ATP6V0A1: variants seen among roughly 807,000 people sequenced by gnomAD.
ATP6V0A1 encodes ATPase H+ transporting V0 subunit a1, also known as V-type proton ATPase 116 kDa subunit a 1.
Under a neutral mutation model 105.4 loss-of-function variants are expected in ATP6V0A1, and 43 were observed. That is an observed-to-expected ratio of 0.41 (90% CI 0.32 to 0.53). The LOEUF is 0.53. ATP6V0A1 is among the 20% of genes least tolerant of loss of function. ATP6V0A1 has a pLI of 0.30. For missense variants in ATP6V0A1, 676 were observed against 1,051.1 expected (o/e 0.64, Z 4.93); for synonymous variants, 362 against 372.8 (o/e 0.97, Z 0.33).
intron 2 of ATP6V0A1, 56 bp downstream of exon 2, chr17:42,461,067 T>G: frequency 7.2e-7 from 1 of 1,396,528 alleles, no homozygotes; most frequent in South Asian, 1.2e-5. Context: ...GCTATCGTGG[T>G]CAGATGCCTT....
intron 10 of ATP6V0A1, among the ~76,000 whole-genome samples, chr17:42,489,681 G>A (rs947576315): frequency 6.6e-6 from 1 of 152,092 alleles, no homozygotes; most frequent in Non-Finnish European, 1.5e-5. Context: ...GTTCCAATGA[G>A]GGAAGTAAAT....
chr17:42,465,992 T>C (rs1212679576), intron 2 of ATP6V0A1, among the ~76,000 whole-genome samples: 1 of 152,000 alleles, frequency 6.6e-6, no homozygotes, highest in Non-Finnish European at 1.5e-5. Flanking sequence ...TTACTTGTGG[T>C]GTATGAATGA....
rs201011997 is a variant in ATP6V0A1 at position 42,495,675 on chromosome 17, C to T, written c.1519C>T (p.Pro507Ser). Residue 507 changes from proline (P) to serine (S), a missense_variant, in exon 14 of 22, where the codon CCT (proline) becomes TCT (serine). Pro to Ser is a moderately conservative substitution (Grantham distance 74). Coordinates refer to ENST00000343619, the MANE Select transcript of ATP6V0A1 (RefSeq NM_001130021.3). The stretch of plus-strand genomic sequence containing the variant: ...TGTTCTACAGCTGAACCCAGCCCTC[C>T]CTGGAGTGTTTGGTGGACCATACCC... ...NPVLQLNPAL[P>S]GVFGGPYPFG... is the part of the protein sequence containing the mutation. 16 of 1,614,114 alleles carry T rather than the reference C, an allele frequency of 9.9e-6. No individual in the cohort carries two copies. The highest frequency in any genetic ancestry group is 3.3e-5 in the Admixed American group (2 of 60,026).
rs1477165055 is a variant in ATP6V0A1, at chr17:42,502,023, ACT to A, written c.2004+722_2004+723del. Reference sequence around the variant, plus strand: ...TACTCCAGCATGGGGACAGAGTGAGACTCTGTCTCAAAAACAAAAAACCAAAC... The same window carrying A: ...TACTCCAGCATGGGGACAGAGTGAGACTGTCTCAAAAACAAAAAACCAAAC... On this transcript the variant is annotated intron_variant, in intron 17 of 21. Transcript: ENST00000343619. 5.9e-5 allele frequency among the ~76,000 whole-genome samples: 9 copies of A among 152,092 alleles called. No individual in the cohort carries two copies. In the East Asian group the frequency reaches 9.7e-4, roughly 16 times the overall value.
At position 42,470,131 on chromosome 17, in the gene ATP6V0A1, C is replaced by T. The variant is rs754593351; in HGVS notation, c.336C>T (p.Asn112=). 3 of 1,610,602 alleles carry T rather than the reference C, an allele frequency of 1.9e-6. No homozygotes were observed. Among genetic ancestry groups the T allele is most frequent in the Non-Finnish European group, 2.5e-6 (3 of 1,177,958 alleles). ...TTGAAAATGAACTGAAGGAAATCAA[C>T]ACAAACCAGGAAGCTCTGAAGAGAA... is the stretch of plus-strand genomic sequence containing the variant. ...EKIENELKEI[N]TNQEALKRNF... The change falls in exon 5 of 22, where the codon AAC becomes AAT. Residue 112 remains asparagine (N), a synonymous_variant. Coordinates refer to ENST00000343619, the MANE Select transcript of ATP6V0A1 (RefSeq NM_001130021.3).
Position 42,507,538 on chromosome 17 carries a change from G to A in ATP6V0A1, c.2023G>A (p.Gly675Arg), listed in dbSNP as rs1361545649. Reference protein sequence around the residue: ...RKHLGTLNFGGIRVGNGPTEE... With the variant: ...RKHLGTLNFGRIRVGNGPTEE... ...TGTGTAGGGAACTCTCAACTTTGGTGGGATCAGGGTGGGCAACGGACCGAC... is the reference window on the plus strand; with the variant it reads ...TGTGTAGGGAACTCTCAACTTTGGTAGGATCAGGGTGGGCAACGGACCGAC... The change falls in exon 18 of 22, where the codon GGG (glycine) becomes AGG (arginine). Residue 675 changes from glycine (G) to arginine (R), a missense_variant. Around this residue, in one of 3 missense-constraint regions of ATP6V0A1, gnomAD observed 435 missense variants for 642.2 expected, o/e 0.68. Coordinates refer to ENST00000343619, the MANE Select transcript of ATP6V0A1 (RefSeq NM_001130021.3). 6.2e-6 allele frequency: 10 copies of A among 1,612,372 alleles called. No individual in the cohort carries two copies. In the East Asian group the frequency reaches 2.0e-4, roughly 32 times the overall value.
intron 21 of ATP6V0A1, chr17:42,519,384 C>G (rs2092748890): frequency 6.6e-6 from 1 of 152,226 alleles, no homozygotes; most frequent in Admixed American, 6.5e-5. Context: ...CATACCCTAC[C>G]AAGGCTGACA....
At position 42,471,638 on chromosome 17, in the gene ATP6V0A1, G is replaced by A. The variant is rs576766154; in HGVS notation, c.423+1420G>A. Among the ~76,000 whole-genome samples the A allele has an allele frequency of 3.9e-5, 6 of 152,170 alleles. No homozygotes were observed. In the East Asian group the frequency reaches 9.7e-4, roughly 25 times the overall value. On this transcript the variant is annotated intron_variant, in intron 5 of 21. Transcript: ENST00000343619. The stretch of plus-strand genomic sequence containing the variant: ...AGTTCCAGCTACTCGGGAGGCTGAA[G>A]TGAGGGGATTGCTTGAGCCCAGGAG...
chr17:42,498,480 G>A (rs2091385487), intron 14 of ATP6V0A1, among the ~76,000 whole-genome samples: 1 of 152,022 alleles, frequency 6.6e-6, no homozygotes, highest in South Asian at 2.1e-4. Flanking sequence ...GTACCATCCT[G>A]TCTGCTTAAG....
chr17:42,497,070 G>A (rs1167531986), intron 14 of ATP6V0A1, among the ~76,000 whole-genome samples: 1 of 151,740 alleles, frequency 6.6e-6, no homozygotes, highest in East Asian at 1.9e-4. Context: ...GGGAGGCCGA[G>A]GCAGACAGAT....
At chr17:42,491,427 C>T (rs2090614134) in intron 11 of ATP6V0A1, among the ~76,000 whole-genome samples, 1 of 152,100 alleles carries the variant, frequency 6.6e-6, no homozygotes. Flanking sequence ...TCTTCTGCCT[C>T]AGCCTCCCGA....
intron 1 of ATP6V0A1, among the ~76,000 whole-genome samples, chr17:42,459,378 T>C (rs2086134279): frequency 1.3e-5 from 2 of 152,216 alleles, no homozygotes; most frequent in Non-Finnish European, 2.9e-5. Flanking sequence ...GAGGACCGGA[T>C]GACAGGAGTG....
Position 42,460,882 on chromosome 17 carries a change from A to G in ATP6V0A1, c.-13A>G. 6.2e-7 allele frequency: 1 copy of G among 1,601,586 alleles called. No individual in the cohort carries two copies. Among genetic ancestry groups the G allele is most frequent in the Non-Finnish European group, 8.6e-7 (1 of 1,168,576 alleles). ...AAATCCAGGTACTCACTAGACTGGT[A>G]CCTTCTGCCACCATGGGGGAGCTTT... On this transcript the variant is annotated 5_prime_UTR_variant, in exon 2 of 22. Coordinates refer to ENST00000343619, the MANE Select transcript of ATP6V0A1 (RefSeq NM_001130021.3).
chr17:42,500,314 A>G (rs1033221850), intron 15 of ATP6V0A1, among the ~76,000 whole-genome samples: 1 of 152,110 alleles, frequency 6.6e-6, no homozygotes, highest in African/African-American at 2.4e-5. Flanking sequence ...CCCCATCTCT[A>G]CAAAAAAATG....
At chr17:42,484,073 T>C in intron 9 of ATP6V0A1, among the ~76,000 whole-genome samples, 1 of 152,030 alleles carries the variant, frequency 6.6e-6, no homozygotes, top group East Asian at 1.9e-4. Context: ...TTCGTTTGTT[T>C]GTTTTTGAGA....
At chr17:42,482,119 G>A (rs1374747703) in intron 8 of ATP6V0A1, among the ~76,000 whole-genome samples, 1 of 152,046 alleles carries the variant, frequency 6.6e-6, no homozygotes, top group African/African-American at 2.4e-5. Flanking sequence ...GGTATTACAG[G>A]TGTAAGCCAC....
At chr17:42,505,622 G>A (rs2091971203) in intron 17 of ATP6V0A1, among the ~76,000 whole-genome samples, 1 of 152,124 alleles carries the variant, frequency 6.6e-6, no homozygotes, top group Non-Finnish European at 1.5e-5. Flanking sequence ...ACAGGTGTGA[G>A]CCACTGTGCC....
At chr17:42,462,923 C>CATCTTAAGA (rs2086599832) in intron 2 of ATP6V0A1, among the ~76,000 whole-genome samples, 1 of 149,808 alleles carries the variant, frequency 6.7e-6, no homozygotes, top group African/African-American at 2.4e-5. Flanking sequence ...GAAATGTACA[C>CATCTTAAGA]ATCTTAAGAG....
At chr17:42,461,423 T>C (rs9907126) in intron 2 of ATP6V0A1, among the ~76,000 whole-genome samples, 35,700 of 152,172 alleles carry the variant, frequency 0.23, 4,503 homozygotes, top group Non-Finnish European at 0.28. Flanking sequence ...AAGCATATAC[T>C]GAATATTCAT....
Sources: allele counts gnomAD v4.1 joint callset (sites outside exome capture counted in the v4.1 genomes callset), GRCh38; gene constraint gnomAD v4.1.1; regional missense constraint gnomAD v4.1.1; transcripts MANE v1.5; gene names NCBI Gene and HGNC (gene_info 2026-07-23, HGNC 2026-07-21).